ARL15: variants seen among roughly 807,000 people sequenced by gnomAD.
The protein encoded by ARL15 is ARF like GTPase 15.
Under a neutral mutation model 25.2 loss-of-function variants are expected in ARL15, and 19 were observed. That is an observed-to-expected ratio of 0.75 (90% CI 0.53 to 1.10). The LOEUF is 1.10. Ranked by LOEUF, ARL15 falls within the 50% of genes least tolerant of loss-of-function variation. The pLI, the probability that ARL15 is intolerant of heterozygous loss-of-function variation, is 0.00. For synonymous variants in ARL15, 94 were observed against 86.8 expected (o/e 1.08, Z -0.46); for missense variants, 220 against 246.0 (o/e 0.89, Z 0.71).
intron 3 of ARL15, among the ~76,000 whole-genome samples, chr5:54,134,925 G>A (rs779508991): frequency 3.9e-5 from 6 of 152,104 alleles, no homozygotes; most frequent in African/African-American, 1.4e-4. Context: ...CTAGCAGGGA[G>A]CCTGAGATTA....
intron 4 of ARL15, among the ~76,000 whole-genome samples, chr5:53,952,257 G>T (rs1208433063): frequency 6.6e-6 from 1 of 152,060 alleles, no homozygotes; most frequent in African/African-American, 2.4e-5. Context: ...GTGAGACTCT[G>T]TCTCAAAAAT....
intron 4 of ARL15, among the ~76,000 whole-genome samples, chr5:53,988,372 A>G (rs1485017304): frequency 6.6e-6 from 1 of 151,990 alleles, no homozygotes; most frequent in African/African-American, 2.4e-5. Context: ...TTTATAGTTG[A>G]AAAAAACTAC....
chr5:54,187,430 C>G (rs746283986), intron 1 of ARL15, among the ~76,000 whole-genome samples: 1 of 152,198 alleles, frequency 6.6e-6, no homozygotes, highest in Non-Finnish European at 1.5e-5. Context: ...ACTGGCCCAA[C>G]AGACAGCAGA....
intron 4 of ARL15, among the ~76,000 whole-genome samples, chr5:54,011,499 T>C (rs1749242881): frequency 2.0e-5 from 3 of 152,198 alleles, no homozygotes; most frequent in Admixed American, 2.0e-4. Flanking sequence ...GAAATACTAT[T>C]CTTCATGGGT....
chr5:54,114,330 G>A (rs1417137735), intron 3 of ARL15, among the ~76,000 whole-genome samples: 3 of 145,128 alleles, frequency 2.1e-5, no homozygotes, highest in Non-Finnish European at 3.0e-5. Flanking sequence ...CTTGAACCCG[G>A]GAGGTGGAGG....
intron 1 of ARL15, among the ~76,000 whole-genome samples, chr5:54,306,815 T>G (rs1758769374): frequency 6.6e-6 from 1 of 152,242 alleles, no homozygotes. Flanking sequence ...CACTGTTGTT[T>G]TGATGGCGCA....
At chr5:54,124,467 A>G (rs567511896) in intron 3 of ARL15, among the ~76,000 whole-genome samples, 2 of 152,288 alleles carry the variant, frequency 1.3e-5, no homozygotes, top group East Asian at 3.9e-4. Flanking sequence ...AATAGCAAAG[A>G]AAAAAACACA....
At chr5:54,198,691 G>T (rs1755628612) in intron 1 of ARL15, among the ~76,000 whole-genome samples, 1 of 151,184 alleles carries the variant, frequency 6.6e-6, no homozygotes, top group African/African-American at 2.4e-5. Context: ...TGGGTAGGAA[G>T]AATCAATATC....
At chr5:54,299,584 CTTTTT>C (rs752417066) in intron 1 of ARL15, among the ~76,000 whole-genome samples, 1 of 79,540 alleles carries the variant, frequency 1.3e-5, no homozygotes, top group Non-Finnish European at 2.2e-5. Context: ...TAGCTATTAG[CTTTTT>C]TTTTTTTTTT....
chr5:53,963,461 TA>T (rs1231766213), intron 4 of ARL15, among the ~76,000 whole-genome samples: 2 of 152,128 alleles, frequency 1.3e-5, no homozygotes, highest in African/African-American at 4.8e-5. Context: ...ATGAATTTCA[TA>T]AAAAATAAAT....
chr5:53,946,448 T>C (rs1389003970), intron 4 of ARL15, among the ~76,000 whole-genome samples: 1 of 86,378 alleles, frequency 1.2e-5, no homozygotes, highest in African/African-American at 4.6e-5. Context: ...AGACTCGGTC[T>C]CAAGAGGAAA....
At chr5:54,159,302 C>T (rs2112362476) in intron 2 of ARL15, among the ~76,000 whole-genome samples, 1 of 152,120 alleles carries the variant, frequency 6.6e-6, no homozygotes, top group Non-Finnish European at 1.5e-5. Flanking sequence ...CTGACTCATC[C>T]ATGACAGTGT....
At chr5:54,118,092 A>G (rs1325767034) in intron 3 of ARL15, among the ~76,000 whole-genome samples, 1 of 152,196 alleles carries the variant, frequency 6.6e-6, no homozygotes, top group Non-Finnish European at 1.5e-5. Flanking sequence ...AAGAAAGACC[A>G]ATGCAAGTTA....
intron 1 of ARL15, among the ~76,000 whole-genome samples, chr5:54,190,392 CAA>C (rs35551500): frequency 2.0e-4 from 24 of 119,964 alleles, no homozygotes; most frequent in Non-Finnish European, 1.8e-4. Context: ...GACGTTGTCT[CAA>C]AAAAAAAAAA....
chr5:53,936,918 T>A (rs1327876895), intron 4 of ARL15, among the ~76,000 whole-genome samples: 2 of 152,220 alleles, frequency 1.3e-5, no homozygotes, highest in Non-Finnish European at 2.9e-5. Context: ...TAATCCCAAA[T>A]GCTGCTAATC....
At position 53,886,832 on chromosome 5, in the gene ARL15, C is replaced by T. The variant is rs575586415; in HGVS notation, c.463-119G>A. 842 of 935,720 alleles carry T rather than the reference C, an allele frequency of 9.0e-4. 7 individuals are homozygous for T. In the South Asian group the frequency reaches 9.2e-3, roughly 10 times the overall value. 58.0% of individuals were successfully genotyped at this position (935,720 alleles called of 1,614,324 possible). On this transcript the variant is annotated intron_variant, in intron 4 of 4. Coordinates refer to ENST00000504924, the MANE Select transcript of ARL15 (RefSeq NM_019087.3). ...GGCGGAATTTATACGAACTGTGATG[C>T]CTACAACTTTGCAATGTGGATGCCT...
chr5:54,080,367 AC>A (rs1232312355), intron 4 of ARL15, among the ~76,000 whole-genome samples: 2 of 152,228 alleles, frequency 1.3e-5, no homozygotes, highest in East Asian at 3.8e-4. Flanking sequence ...TATTCAAGTT[AC>A]TTTTTCAAGC....
intron 3 of ARL15, among the ~76,000 whole-genome samples, chr5:54,123,132 G>C (rs1224229074): frequency 1.4e-5 from 2 of 146,948 alleles, no homozygotes; most frequent in African/African-American, 5.0e-5. Context: ...TTTTTGAGAC[G>C]GAGTTTCGCT....
intron 4 of ARL15, among the ~76,000 whole-genome samples, chr5:54,082,355 C>T (rs1004340159): frequency 1.3e-5 from 2 of 152,096 alleles, no homozygotes; most frequent in African/African-American, 2.4e-5. Flanking sequence ...GGAATTTTAA[C>T]TTTTTATGAT....
Sources: gnomAD v4.1 joint callset for allele counts (sites outside exome capture counted in the v4.1 genomes callset) on GRCh38, gnomAD v4.1.1 for gene constraint, MANE v1.5 for transcripts, NCBI Gene and HGNC (gene_info 2026-07-23, HGNC 2026-07-21) for gene names.